The following PDE3B variants were observed in gnomAD, a reference collection of about 807,000 sequenced individuals.
The protein encoded by PDE3B is phosphodiesterase 3B, also known as cGMP-inhibited 3',5'-cyclic phosphodiesterase 3B.
PDE3B carries 66 observed loss-of-function variants against 116.8 expected under a neutral mutation model. The observed-to-expected ratio is 0.56, with a 90% CI of 0.46 to 0.69. The LOEUF (loss-of-function observed/expected upper bound fraction) is 0.69, where lower values mean the gene tolerates loss of function less well. Among genes scored for constraint, PDE3B ranks in the 30% least tolerant of loss-of-function variants. PDE3B has a pLI of 0.00. For synonymous variants in PDE3B, 595 were observed against 533.6 expected (o/e 1.12, Z -1.59); for missense variants, 1,384 against 1,368.1 (o/e 1.01, Z -0.18).
At chr11:14,695,763 C>T (rs923017812) in intron 1 of PDE3B, among the ~76,000 whole-genome samples, 1 of 151,936 alleles carries the variant, frequency 6.6e-6, no homozygotes, top group East Asian at 1.9e-4. Flanking sequence ...TAAGAACATG[C>T]AGTGTTTGGT....
In PDE3B at chr11:14,644,549, C is replaced by T. The variant is rs761284842; in HGVS notation, c.474C>T (p.Pro158=). 6 of 1,600,826 alleles carry T rather than the reference C, an allele frequency of 3.7e-6. No homozygotes were observed. The highest frequency in any genetic ancestry group is 2.6e-6 in the Non-Finnish European group (3 of 1,173,768). ...SCGSWWLLAL[P]ACCYLGDFLV... is the part of the protein sequence containing the mutation. ...GCTCCTGGTGGCTGCTGGCGCTGCCCGCCTGCTGTTACCTGGGGGACTTCT... is the reference window on the plus strand; with the variant it reads ...GCTCCTGGTGGCTGCTGGCGCTGCCTGCCTGCTGTTACCTGGGGGACTTCT... Residue 158 remains proline (P), a synonymous_variant, in exon 1 of 16, where the codon CCC becomes CCT. Coordinates refer to ENST00000282096, the MANE Select transcript of PDE3B (RefSeq NM_000922.4).
chr11:14,737,665 G>A (rs1320295507), intron 1 of PDE3B, among the ~76,000 whole-genome samples: 3 of 152,074 alleles, frequency 2.0e-5, no homozygotes, highest in Admixed American at 2.0e-4. Flanking sequence ...CATGCACAAT[G>A]TGCAGGTTAG....
chr11:14,879,329 C>G, the PDE3B span: 26 of 1,613,012 alleles, frequency 1.6e-5, no homozygotes, highest in East Asian at 4.9e-4. Context: ...AACTATATTA[C>G]AGAATCTTAA....
At chr11:14,679,115 C>T (rs1044785234) in intron 1 of PDE3B, among the ~76,000 whole-genome samples, 6 of 152,016 alleles carry the variant, frequency 3.9e-5, no homozygotes, top group African/African-American at 1.4e-4. Context: ...ATCAATGTGT[C>T]ATTCCCTCTG....
At chr11:14,664,660 A>C (rs1286852243) in intron 1 of PDE3B, among the ~76,000 whole-genome samples, 2 of 152,238 alleles carry the variant, frequency 1.3e-5, no homozygotes, top group African/African-American at 4.8e-5. Context: ...TAAACTAGAA[A>C]ATCTAGAAGA....
chr11:14,835,276 A>T (rs1860018508), intron 11 of PDE3B, among the ~76,000 whole-genome samples, 181 bp downstream of exon 11: 1 of 152,232 alleles, frequency 6.6e-6, no homozygotes, highest in African/African-American at 2.4e-5. Context: ...TTGATGCATA[A>T]TAATGACATG....
the PDE3B span, chr11:14,891,598 C>G: frequency 1.9e-6 from 2 of 1,062,322 alleles, no homozygotes; most frequent in Admixed American, 1.0e-4. Flanking sequence ...TTCCACAGAG[C>G]TGCGAGGCCG....
intron 1 of PDE3B, among the ~76,000 whole-genome samples, chr11:14,723,885 T>C (rs1856200955): frequency 6.6e-6 from 1 of 152,136 alleles, no homozygotes; most frequent in South Asian, 2.1e-4. Context: ...TGGTGTGAGA[T>C]TAGGCTGGAA....
intron 1 of PDE3B, among the ~76,000 whole-genome samples, chr11:14,671,609 A>C (rs1854370080): frequency 1.3e-5 from 2 of 152,156 alleles, no homozygotes; most frequent in Admixed American, 6.5e-5. Flanking sequence ...CTATTGACGG[A>C]ATAGCTAGAG....
rs112388171 is a variant in PDE3B, at chr11:14,661,841, G to C, written c.978+16788G>C. Reference sequence around the variant, plus strand: ...GGTGGAACCCACCACGGTTCAAGGAGGCCTGCCTGCTTCTGTAGGCTCCAC... The same window carrying C: ...GGTGGAACCCACCACGGTTCAAGGACGCCTGCCTGCTTCTGTAGGCTCCAC... On this transcript the variant is annotated intron_variant, in intron 1 of 15. Transcript: ENST00000282096. Among the ~76,000 whole-genome samples the C allele has an allele frequency of 5.0e-3, 759 of 152,290 alleles. 10 individuals carry two copies. The highest frequency in any genetic ancestry group is 0.018 in the African/African-American group (740 of 41,564).
At chr11:14,851,298 C>T (rs775396682) in intron 12 of PDE3B, among the ~76,000 whole-genome samples, 2 of 152,094 alleles carry the variant, frequency 1.3e-5, no homozygotes, top group Non-Finnish European at 2.9e-5. Flanking sequence ...TCACTTCCCA[C>T]TTCTTTATTC....
intron 1 of PDE3B, among the ~76,000 whole-genome samples, chr11:14,709,340 C>T (rs998409125): frequency 7.9e-5 from 12 of 151,958 alleles, no homozygotes; most frequent in Admixed American, 3.9e-4. Context: ...TTAACGTGCA[C>T]ATTTTTTTTC....
intron 1 of PDE3B, among the ~76,000 whole-genome samples, chr11:14,746,091 T>A (rs1856902326): frequency 6.6e-6 from 1 of 152,218 alleles, no homozygotes; most frequent in African/African-American, 2.4e-5. Flanking sequence ...TGTTGAAATG[T>A]CTAACGAGAG....
intron 11 of PDE3B, among the ~76,000 whole-genome samples, chr11:14,840,037 C>T (rs1356687870): frequency 6.6e-6 from 1 of 152,156 alleles, no homozygotes; most frequent in Non-Finnish European, 1.5e-5. Flanking sequence ...CTTCTGAGTA[C>T]TATTGCTCCA....
chr11:14,773,722 A>T (rs1386065620), intron 2 of PDE3B: 1 of 152,002 alleles, frequency 6.6e-6, no homozygotes, highest in Non-Finnish European at 1.5e-5. Flanking sequence ...TTTTCTAGGA[A>T]TTCCTTTTTT....
intron 12 of PDE3B, among the ~76,000 whole-genome samples, chr11:14,854,676 C>A (rs1297747863): frequency 6.6e-6 from 1 of 152,086 alleles, no homozygotes; most frequent in Non-Finnish European, 1.5e-5. Flanking sequence ...GCCACCACGC[C>A]CAGCTAATTT....
chr11:14,819,160 T>C lies in PDE3B; in HGVS notation c.1758T>C (p.Tyr586=), dbSNP rs1382354695. 5 of 1,597,548 alleles carry C rather than the reference T, an allele frequency of 3.1e-6. No homozygotes were observed. Among genetic ancestry groups the C allele is most frequent in the Non-Finnish European group, 2.6e-6 (3 of 1,168,614 alleles). ...GCTGTGGACATCAAATGCTGAAATA[T>C]GTTTCAACATCTGAATCAGATGGTA... ...CNSCGHQMLK[Y]VSTSESDGTD... Residue 586 remains tyrosine (Y), a synonymous_variant, in exon 7 of 16, where the codon TAT becomes TAC. Transcript: ENST00000282096.
chr11:14,728,903 G>T (rs548355725), intron 1 of PDE3B, among the ~76,000 whole-genome samples: 8 of 152,178 alleles, frequency 5.3e-5, no homozygotes, highest in Non-Finnish European at 1.2e-4. Context: ...ATTATAGGAG[G>T]TCTTTTTTAA....
intron 2 of PDE3B, among the ~76,000 whole-genome samples, chr11:14,783,766 A>G (rs1302008077): frequency 6.6e-6 from 1 of 151,918 alleles, no homozygotes; most frequent in Non-Finnish European, 1.5e-5. Context: ...TATAATAATA[A>G]AAAAAAAGAA....
Sources: gnomAD v4.1 joint callset for allele counts (sites outside exome capture counted in the v4.1 genomes callset) on GRCh38, gnomAD v4.1.1 for gene constraint, MANE v1.5 for transcripts, NCBI Gene and HGNC (gene_info 2026-07-23, HGNC 2026-07-21) for gene names.